The following STAG1 variants were observed in gnomAD, a reference collection of about 807,000 sequenced individuals.
STAG1 encodes the protein cohesin subunit SA-1.
In STAG1, 26 loss-of-function variants were observed where a neutral mutation model predicts 170.9. The ratio of observed to expected loss-of-function variants is 0.15; its 90% CI spans 0.11 to 0.21. STAG1 has a LOEUF of 0.21. Ranked by LOEUF, STAG1 falls within the 10% of genes least tolerant of loss-of-function variation. The pLI is 1.00. For synonymous variants in STAG1, 514 were observed against 497.7 expected, an observed-to-expected ratio of 1.03 and a Z score of -0.44; for missense variants, 964 against 1,509.5, an observed-to-expected ratio of 0.64 and a Z score of 5.99.
At chr3:136,436,342 C>T (rs567161106) in intron 15 of STAG1, among the ~76,000 whole-genome samples, 1 of 151,622 alleles carries the variant, frequency 6.6e-6, no homozygotes, top group Non-Finnish European at 1.5e-5. Context: ...AGTACAGTGG[C>T]GTGATCTCGG....
In STAG1 at chr3:136,425,069, A is replaced by C. The variant is rs2088076378; in HGVS notation, c.1651-2025T>G. 3.3e-5 allele frequency among the ~76,000 whole-genome samples: 5 copies of C among 151,702 alleles called. No homozygotes were observed. In the South Asian group the frequency reaches 1.0e-3, roughly 32 times the overall value. On this transcript the variant is annotated intron_variant, in intron 16 of 33. Coordinates refer to ENST00000383202, the MANE Select transcript of STAG1 (RefSeq NM_005862.3). ...TGGCCAGGATGATCTCGATCTCCCGACCTCGTGATCTGCCCGCCCCGGCCT... is the reference window on the plus strand; with the variant it reads ...TGGCCAGGATGATCTCGATCTCCCGCCCTCGTGATCTGCCCGCCCCGGCCT...
At chr3:136,656,617 T>TTGTGTGTGTGTGTGTGTGTGTGTGTGTG (rs71157397) in intron 1 of STAG1, among the ~76,000 whole-genome samples, 85 of 143,392 alleles carry the variant, frequency 5.9e-4, no homozygotes, top group African/African-American at 1.9e-3. Flanking sequence ...CTGTATTTAT[T>TTGTGTGTGTGTGTGTGTGTGTGTGTGTG]TGTGTGTGTG....
chr3:136,640,368 CTTTTT>C (rs1046414006), intron 1 of STAG1, among the ~76,000 whole-genome samples: 1 of 140,422 alleles, frequency 7.1e-6, no homozygotes. Context: ...CATTAGATAA[CTTTTT>C]TTTTTTTTTT....
chr3:136,560,427 T>G (rs1936795668), intron 5 of STAG1, among the ~76,000 whole-genome samples: 1 of 152,240 alleles, frequency 6.6e-6, no homozygotes, highest in African/African-American at 2.4e-5. Context: ...TATCTTCATT[T>G]TGCTATGCAT....
At chr3:136,526,543 T>A (rs1298079356) in intron 6 of STAG1, among the ~76,000 whole-genome samples, 1 of 152,228 alleles carries the variant, frequency 6.6e-6, no homozygotes, top group Non-Finnish European at 1.5e-5. Flanking sequence ...TCTTGACTCT[T>A]TATCCAATTT....
intron 14 of STAG1, among the ~76,000 whole-genome samples, chr3:136,447,862 C>T (rs776967192): frequency 9.2e-5 from 14 of 151,952 alleles, no homozygotes; most frequent in Non-Finnish European, 1.6e-4. Flanking sequence ...CGTGATCTGC[C>T]CGCCTCCACC....
At chr3:136,736,088 G>A (rs1934317198) in intron 1 of STAG1, among the ~76,000 whole-genome samples, 1 of 152,162 alleles carries the variant, frequency 6.6e-6, no homozygotes, top group Non-Finnish European at 1.5e-5. Context: ...GCTTCCTAAG[G>A]TGCCCCTTCC....
chr3:136,369,102 A>C lies in STAG1; in HGVS notation c.2545+6T>G, dbSNP rs779307920. ...TCAATATTGACAAGATGATAGCTAC[A>C]AGTACCCATGCTCTGGTTCTCCTCG... On this transcript the variant is annotated splice_donor_region_variant and intron_variant, in intron 24 of 33. Coordinates refer to ENST00000383202, the MANE Select transcript of STAG1 (RefSeq NM_005862.3). 5.3e-6 allele frequency: 8 copies of C among 1,499,850 alleles called. No individual in the cohort carries two copies. In the East Asian group the frequency reaches 2.0e-4, roughly 38 times the overall value. The allele number at this position is 1,499,850 out of a possible 1,614,324, so 92.9% of individuals were successfully genotyped here. A position where few individuals can be genotyped will look rare whatever the true frequency, so the allele number is the denominator to read the frequency against.
At chr3:136,714,953 A>ATTT (rs1553770532) in intron 1 of STAG1, among the ~76,000 whole-genome samples, 1 of 91,018 alleles carries the variant, frequency 1.1e-5, no homozygotes, top group African/African-American at 4.0e-5. Context: ...ATATATATAT[A>ATTT]TATATATATA....
intron 1 of STAG1, among the ~76,000 whole-genome samples, chr3:136,668,346 A>G (rs1475231759): frequency 6.8e-6 from 1 of 146,672 alleles, no homozygotes; most frequent in Non-Finnish European, 1.5e-5. Flanking sequence ...ACCATATATT[A>G]TACATGATAT....
intron 4 of STAG1, among the ~76,000 whole-genome samples, chr3:136,590,612 G>A (rs1051894658): frequency 6.6e-6 from 1 of 152,054 alleles, no homozygotes; most frequent in African/African-American, 2.4e-5. Context: ...CATATGACCA[G>A]GACTTATTGT....
chr3:136,553,357 TAA>T (rs1413696836), intron 5 of STAG1, among the ~76,000 whole-genome samples: 1 of 152,090 alleles, frequency 6.6e-6, no homozygotes, highest in Non-Finnish European at 1.5e-5. Context: ...AAAGAAAATT[TAA>T]AGAGATAACA....
chr3:136,679,006 A>AC (rs533126601), intron 1 of STAG1, among the ~76,000 whole-genome samples: 167 of 151,914 alleles, frequency 1.1e-3, no homozygotes, highest in African/African-American at 2.5e-3. Context: ...CAAAAAAAAA[A>AC]AAAAACAAAT....
intron 1 of STAG1, among the ~76,000 whole-genome samples, chr3:136,728,449 A>C (rs529625752): frequency 6.6e-6 from 1 of 152,298 alleles, no homozygotes; most frequent in South Asian, 2.1e-4. Context: ...CAGATCTTCT[A>C]ATTACTACCT....
chr3:136,537,214 G>T (rs1372119397), intron 6 of STAG1, among the ~76,000 whole-genome samples: 1 of 152,132 alleles, frequency 6.6e-6, no homozygotes, highest in African/African-American at 2.4e-5. Flanking sequence ...TGTATTGTAA[G>T]AAAATATTAG....
At chr3:136,716,695 T>A (rs1480203096) in intron 1 of STAG1, among the ~76,000 whole-genome samples, 1 of 152,096 alleles carries the variant, frequency 6.6e-6, no homozygotes, top group Non-Finnish European at 1.5e-5. Context: ...AGCTAACCAA[T>A]CCAATTATCA....
At chr3:136,484,079 C>T (rs1400419515) in intron 9 of STAG1, among the ~76,000 whole-genome samples, 13 of 130,118 alleles carry the variant, frequency 1.0e-4, no homozygotes, top group Middle Eastern at 3.6e-3. Flanking sequence ...TCTCTCAGCT[C>T]GTCAAAATCA....
chr3:136,568,367 C>T (rs1937154184), intron 5 of STAG1, among the ~76,000 whole-genome samples: 1 of 152,074 alleles, frequency 6.6e-6, no homozygotes, highest in South Asian at 2.1e-4. Context: ...TTAAACTTAA[C>T]TATAAAATGA....
At chr3:136,437,603 T>C (rs1019660673) in intron 15 of STAG1, among the ~76,000 whole-genome samples, 2 of 152,218 alleles carry the variant, frequency 1.3e-5, no homozygotes, top group Non-Finnish European at 2.9e-5. Flanking sequence ...ATATATATGG[T>C]ATCATTGAAT....
Sources: gnomAD v4.1 joint callset for allele counts (sites outside exome capture counted in the v4.1 genomes callset) on GRCh38, gnomAD v4.1.1 for gene constraint, MANE v1.5 for transcripts, NCBI Gene and HGNC (gene_info 2026-07-23, HGNC 2026-07-21) for gene names.